Variants in CHCHD3 observed in about 807,000 individuals in gnomAD.
The protein encoded by CHCHD3 is MICOS complex subunit MIC19.
Under a neutral mutation model 38.2 loss-of-function variants are expected in CHCHD3, and 20 were observed. The observed-to-expected ratio is 0.52, with a 90% CI of 0.37 to 0.76. CHCHD3 has a LOEUF of 0.76. Ranked by LOEUF, CHCHD3 falls within the 30% of genes least tolerant of loss-of-function variation. The pLI is 0.00. For synonymous variants in CHCHD3, 82 were observed against 100.0 expected (o/e 0.82, Z 1.07); for missense variants, 245 against 279.2 (o/e 0.88, Z 0.87).
intron 4 of CHCHD3, among the ~76,000 whole-genome samples, chr7:132,902,298 C>T (rs532755247): frequency 6.6e-6 from 1 of 152,238 alleles, no homozygotes; most frequent in Admixed American, 6.5e-5. Context: ...TACCATTTGA[C>T]CCAGCCATCC....
intron 5 of CHCHD3, among the ~76,000 whole-genome samples, chr7:132,862,955 C>T (rs565997364): frequency 2.7e-4 from 41 of 152,274 alleles, no homozygotes; most frequent in South Asian, 1.0e-3. Context: ...TTGCTATTTC[C>T]ACCACATCTG....
intron 4 of CHCHD3, among the ~76,000 whole-genome samples, chr7:132,931,906 T>C (rs982562234): frequency 3.3e-5 from 5 of 152,038 alleles, no homozygotes; most frequent in African/African-American, 1.2e-4. Flanking sequence ...CAGTGGGAAA[T>C]ATAATGCAGC....
chr7:132,938,428 TA>T (rs1304249784), intron 4 of CHCHD3, among the ~76,000 whole-genome samples: 1 of 152,028 alleles, frequency 6.6e-6, no homozygotes, highest in Non-Finnish European at 1.5e-5. Context: ...AAAGCTGGGG[TA>T]AAAACCTTAA....
chr7:132,949,094 CATCAGAAAGCTCAAAT>C (rs1810973780), intron 4 of CHCHD3, among the ~76,000 whole-genome samples: 1 of 152,150 alleles, frequency 6.6e-6, no homozygotes, highest in South Asian at 2.1e-4. Flanking sequence ...ATTGGCTTTG[CATCAGAAAGCTCAAAT>C]ATCATTTTTG....
intron 2 of CHCHD3, among the ~76,000 whole-genome samples, chr7:133,025,823 A>T (rs1445803488): frequency 2.0e-5 from 3 of 152,224 alleles, no homozygotes; most frequent in African/African-American, 7.2e-5. Context: ...GTTTTATTTC[A>T]AATAGTTGAG....
intron 2 of CHCHD3, among the ~76,000 whole-genome samples, chr7:133,044,944 C>T (rs553019453): frequency 1.1e-4 from 17 of 152,348 alleles, no homozygotes; most frequent in Admixed American, 5.2e-4. Context: ...GGGAAAGCAA[C>T]GCACATACTC....
intron 4 of CHCHD3, among the ~76,000 whole-genome samples, chr7:132,887,941 G>A (rs765246239): frequency 1.3e-5 from 2 of 151,554 alleles, no homozygotes; most frequent in African/African-American, 4.8e-5. Context: ...CTCTACTTAT[G>A]GTACTCAAGT....
At chr7:132,905,590 A>G (rs1809781575) in intron 4 of CHCHD3, among the ~76,000 whole-genome samples, 2 of 152,220 alleles carry the variant, frequency 1.3e-5, no homozygotes, top group African/African-American at 4.8e-5. Context: ...AATTAAAATA[A>G]AAGTTGAGGG....
At chr7:133,030,427 G>A (rs967870905) in intron 2 of CHCHD3, among the ~76,000 whole-genome samples, 8 of 152,306 alleles carry the variant, frequency 5.3e-5, no homozygotes, top group Admixed American at 4.6e-4. Flanking sequence ...GTTTCAGGAA[G>A]GGCTAGTTTA....
At chr7:132,971,919 C>T (rs1562925656) in intron 4 of CHCHD3, among the ~76,000 whole-genome samples, 1 of 152,246 alleles carries the variant, frequency 6.6e-6, no homozygotes, top group East Asian at 1.9e-4. Context: ...ACTCCCACAT[C>T]AATTATGGGT....
chr7:133,022,441 G>A (rs1398217976), intron 3 of CHCHD3: 1 of 456,644 alleles, frequency 2.2e-6, no homozygotes, highest in East Asian at 6.9e-5. Context: ...CCAAAAAGTT[G>A]CTGCTAAAAG....
At chr7:133,045,339 A>G (rs1395364584) in intron 2 of CHCHD3, among the ~76,000 whole-genome samples, 2 of 152,200 alleles carry the variant, frequency 1.3e-5, no homozygotes, top group Non-Finnish European at 2.9e-5. Flanking sequence ...CACAGGAGAG[A>G]CATGCCATTT....
chr7:132,995,220 T>A (rs561172937), intron 3 of CHCHD3, among the ~76,000 whole-genome samples: 2 of 152,310 alleles, frequency 1.3e-5, no homozygotes, highest in East Asian at 1.9e-4. Flanking sequence ...TTTCTTTTTT[T>A]AAAACCATTT....
At chr7:132,872,560 A>G (rs1808791335) in intron 5 of CHCHD3, among the ~76,000 whole-genome samples, 2 of 152,236 alleles carry the variant, frequency 1.3e-5, no homozygotes, top group South Asian at 4.1e-4. Context: ...CCTTACTTTC[A>G]GCACCTTTCC....
intron 2 of CHCHD3, among the ~76,000 whole-genome samples, chr7:133,043,299 C>T (rs11771910): frequency 0.97 from 147,547 of 152,262 alleles, 71,671 homozygotes; most frequent in Middle Eastern, 1. Flanking sequence ...GTGGACCAAC[C>T]ATATTTTTTA....
chr7:132,807,620 T>C (rs896003164), intron 6 of CHCHD3, among the ~76,000 whole-genome samples: 3 of 119,292 alleles, frequency 2.5e-5, no homozygotes, highest in South Asian at 2.5e-4. Context: ...TATATATATA[T>C]ATATATATAT....
At chr7:132,842,206 TAA>T (rs2117101522) in intron 5 of CHCHD3, among the ~76,000 whole-genome samples, 1 of 152,114 alleles carries the variant, frequency 6.6e-6, no homozygotes, top group Admixed American at 6.5e-5. Flanking sequence ...GGCTAGAATA[TAA>T]AAGTGTATTG....
chr7:132,865,238 G>C (rs1236614973), intron 5 of CHCHD3, among the ~76,000 whole-genome samples: 1 of 152,226 alleles, frequency 6.6e-6, no homozygotes, highest in African/African-American at 2.4e-5. Flanking sequence ...AACTTTTTTA[G>C]CTGTACCTAA....
chr7:132,898,031 C>G (rs1809548736), intron 4 of CHCHD3, among the ~76,000 whole-genome samples: 1 of 151,604 alleles, frequency 6.6e-6, no homozygotes, highest in Non-Finnish European at 1.5e-5. Context: ...TGTTACAGCT[C>G]TTAAGGCGGC....
Sources: allele counts gnomAD v4.1 joint callset (sites outside exome capture counted in the v4.1 genomes callset), GRCh38; gene constraint gnomAD v4.1.1; transcripts MANE v1.5; gene names NCBI Gene and HGNC (gene_info 2026-07-23, HGNC 2026-07-21).